NRXN3: variants seen among roughly 807,000 people sequenced by gnomAD.
The protein encoded by NRXN3 is neurexin 3, also known as neurexin III.
In NRXN3, 32 loss-of-function variants were observed where a neutral mutation model predicts 137.6. The observed-to-expected ratio is 0.23, with a 90% CI of 0.18 to 0.31. The LOEUF is 0.31. NRXN3 is among the 10% of genes least tolerant of loss of function. NRXN3 has a pLI of 1.00. For synonymous variants in NRXN3, 798 were observed against 784.5 expected (o/e 1.02, Z -0.29); for missense variants, 1,574 against 2,062.5 (o/e 0.76, Z 4.59).
Position 79,440,532 on chromosome 14 carries a change from T to A in NRXN3, c.3263-26689T>A, listed in dbSNP as rs1467315989. ...TATCATAACAAATTTGTAATTTGTA[T>A]GTTTACAATATCTTTTCTGATGAAT... On this transcript the variant is annotated intron_variant, in intron 15 of 20. Coordinates refer to ENST00000335750, the MANE Select transcript of NRXN3 (RefSeq NM_001330195.2). 1.3e-5 allele frequency among the ~76,000 whole-genome samples: 2 copies of A among 152,236 alleles called. 1 individual carries two copies. The highest frequency in any genetic ancestry group is 3.8e-4 in the East Asian group (2 of 5,198).
chr14:78,325,617 A>T (rs150997346), intron 4 of NRXN3, among the ~76,000 whole-genome samples: 66 of 152,038 alleles, frequency 4.3e-4, no homozygotes, highest in African/African-American at 1.5e-3. Flanking sequence ...GGCCTTTCTC[A>T]TTCAAGTAGG....
intron 16 of NRXN3, among the ~76,000 whole-genome samples, chr14:79,663,287 T>C (rs767904833): frequency 1.3e-5 from 2 of 151,980 alleles, no homozygotes; most frequent in Admixed American, 6.6e-5. Context: ...CACACACACA[T>C]ATATCCAGCC....
intron 4 of NRXN3, among the ~76,000 whole-genome samples, chr14:78,596,193 A>T (rs1396047197): frequency 1.3e-5 from 2 of 152,120 alleles, no homozygotes; most frequent in African/African-American, 2.4e-5. Flanking sequence ...TTACTTACAC[A>T]CTGGATCTCT....
At chr14:78,566,894 C>T (rs1239191777) in intron 4 of NRXN3, among the ~76,000 whole-genome samples, 1 of 152,184 alleles carries the variant, frequency 6.6e-6, no homozygotes, top group Non-Finnish European at 1.5e-5. Context: ...CCTTGCACCA[C>T]AGTGTTTCCC....
At chr14:78,644,644 A>T (rs1441882474) in intron 4 of NRXN3, among the ~76,000 whole-genome samples, 1 of 152,168 alleles carries the variant, frequency 6.6e-6, no homozygotes, top group African/African-American at 2.4e-5. Flanking sequence ...GACAGATGAA[A>T]ATCCCAGCCA....
rs1424275866 is a variant in NRXN3 at position 79,757,605 on chromosome 14, G to GTGTC, written c.4015-47506_4015-47503dup. ...ATTTCAAAATTCTGTGAAGCATTTG[G>GTGTC]TGTCATCCATCTAGTTTCAAAATAG... On this transcript the variant is annotated intron_variant, in intron 19 of 20. Coordinates refer to ENST00000335750, the MANE Select transcript of NRXN3 (RefSeq NM_001330195.2). Among the ~76,000 whole-genome samples the GTGTC allele has an allele frequency of 9.9e-5, 15 of 152,242 alleles. 1 individual carries two copies. The highest frequency in any genetic ancestry group is 3.6e-4 in the African/African-American group (15 of 41,552).
At chr14:78,796,820 G>A (rs1378517535) in intron 8 of NRXN3, among the ~76,000 whole-genome samples, 1 of 151,918 alleles carries the variant, frequency 6.6e-6, no homozygotes, top group Non-Finnish European at 1.5e-5. Context: ...GAACAATAAG[G>A]TACTCTTACT....
At chr14:78,593,846 C>A (rs1278272388) in intron 4 of NRXN3, among the ~76,000 whole-genome samples, 1 of 152,162 alleles carries the variant, frequency 6.6e-6, no homozygotes, top group African/African-American at 2.4e-5. Context: ...AATCTCTCAC[C>A]ACCCCTGCTC....
intron 15 of NRXN3, among the ~76,000 whole-genome samples, chr14:78,992,501 A>G (rs1332172881): frequency 3.3e-5 from 5 of 152,192 alleles, no homozygotes; most frequent in Non-Finnish European, 5.9e-5. Flanking sequence ...AACCTGGGAA[A>G]TTCTAGCATG....
intron 15 of NRXN3, among the ~76,000 whole-genome samples, chr14:79,399,613 A>G (rs1034604602): frequency 1.9e-4 from 29 of 152,216 alleles, no homozygotes; most frequent in Admixed American, 1.9e-3. Flanking sequence ...GTATAAACTC[A>G]AGAACTATAA....
At chr14:78,901,335 CA>C (rs1283316081) in intron 10 of NRXN3, among the ~76,000 whole-genome samples, 2 of 151,832 alleles carry the variant, frequency 1.3e-5, no homozygotes, top group Admixed American at 1.3e-4. Context: ...GGCTCTAACT[CA>C]CCTGCTTTCC....
At chr14:79,606,173 C>T (rs1337570688) in intron 16 of NRXN3, among the ~76,000 whole-genome samples, 3 of 152,154 alleles carry the variant, frequency 2.0e-5, no homozygotes, top group African/African-American at 4.8e-5. Flanking sequence ...AATGTGCAGC[C>T]GGTCCACCTC....
At chr14:79,268,256 A>T (rs956466446) in intron 15 of NRXN3, among the ~76,000 whole-genome samples, 2 of 152,184 alleles carry the variant, frequency 1.3e-5, no homozygotes, top group South Asian at 2.1e-4. Context: ...ACAGATCAGG[A>T]CTGTTACAGC....
intron 10 of NRXN3, among the ~76,000 whole-genome samples, chr14:78,915,077 C>G (rs998156949): frequency 6.6e-6 from 1 of 151,876 alleles, no homozygotes; most frequent in Non-Finnish European, 1.5e-5. Flanking sequence ...AAGGAAATCT[C>G]AGAAAGAGAT....
intron 20 of NRXN3, among the ~76,000 whole-genome samples, chr14:79,808,255 A>AATAT (rs1162311378): frequency 9.2e-4 from 114 of 123,960 alleles, no homozygotes; most frequent in Non-Finnish European, 1.1e-3. Context: ...AAAAAAAAAA[A>AATAT]ATATATATAT....
chr14:78,521,904 A>C (rs900585972), intron 4 of NRXN3, among the ~76,000 whole-genome samples: 7 of 152,178 alleles, frequency 4.6e-5, no homozygotes, highest in African/African-American at 1.7e-4. Flanking sequence ...TGTTTGAAAA[A>C]TTCTTATCAT....
At chr14:78,846,740 G>T (rs2099028182) in intron 10 of NRXN3, among the ~76,000 whole-genome samples, 1 of 152,066 alleles carries the variant, frequency 6.6e-6, no homozygotes, top group Non-Finnish European at 1.5e-5. Context: ...GTCAGCAGAA[G>T]TAGGTAGATG....
At chr14:79,139,661 C>T (rs1396624695) in intron 15 of NRXN3, among the ~76,000 whole-genome samples, 1 of 151,976 alleles carries the variant, frequency 6.6e-6, no homozygotes, top group Non-Finnish European at 1.5e-5. Context: ...AATGTTGCAA[C>T]TTTCACATTA....
intron 5 of NRXN3, among the ~76,000 whole-genome samples, chr14:78,647,704 A>C (rs1203836610): frequency 6.6e-6 from 1 of 152,238 alleles, no homozygotes. Flanking sequence ...TTTTGCATCC[A>C]AATGCAATTT....
Sources: allele counts gnomAD v4.1 joint callset (sites outside exome capture counted in the v4.1 genomes callset), GRCh38; gene constraint gnomAD v4.1.1; transcripts MANE v1.5; gene names NCBI Gene and HGNC (gene_info 2026-07-23, HGNC 2026-07-21).